BCAR3: variants seen among roughly 807,000 people sequenced by gnomAD.
BCAR3 encodes the protein BCAR3 adaptor protein, NSP family member, also known as breast cancer anti-estrogen resistance protein 3.
In BCAR3, 37 loss-of-function variants were observed where a neutral mutation model predicts 80.1. That is an observed-to-expected ratio of 0.46 (90% confidence interval 0.36 to 0.61). The LOEUF is 0.61. BCAR3 is among the 20% of genes least tolerant of loss of function. BCAR3 has a pLI of 0.00. For missense variants in BCAR3, 978 were observed against 1,068.2 expected, an observed-to-expected ratio of 0.92 and a Z score of 1.18; for synonymous variants, 389 against 418.9, an observed-to-expected ratio of 0.93 and a Z score of 0.87.
In BCAR3 at chr1:93,769,402, TG is replaced by T. The variant is rs1652275660; in HGVS notation, c.-62-63261del. Among the ~76,000 whole-genome samples, 3 of 138,836 alleles carry T rather than the reference TG, an allele frequency of 2.2e-5. No homozygotes were observed. In the South Asian group the frequency reaches 6.6e-4, roughly 30 times the overall value. The allele number at this position is 138,836 out of a possible 152,430, so 91.1% of individuals were successfully genotyped here. On this transcript the variant is annotated intron_variant, in intron 2 of 13. Coordinates refer to the BCAR3 transcript ENST00000370244. Reference sequence around the variant, plus strand: ...GTGTGTGTGTGTGTGTGTGTGTGTGTGTGTGTCAAGGAGCGGGGTGGAGAAG... The same window carrying T: ...GTGTGTGTGTGTGTGTGTGTGTGTGTTGTGTCAAGGAGCGGGGTGGAGAAG...
At chr1:93,734,620 A>G (rs540002379) in intron 2 of BCAR3, among the ~76,000 whole-genome samples, 2 of 152,274 alleles carry the variant, frequency 1.3e-5, no homozygotes, top group East Asian at 1.9e-4. Flanking sequence ...AGGGCAAACC[A>G]TCTAGTGCAG....
intron 2 of BCAR3, among the ~76,000 whole-genome samples, chr1:93,796,580 G>A (rs559315454): frequency 4.6e-5 from 7 of 151,692 alleles, no homozygotes; most frequent in South Asian, 2.1e-4. Flanking sequence ...AGATGAACCC[G>A]GTACCTCAGA....
chr1:93,704,588 CA>C (rs1274461674), intron 3 of BCAR3, among the ~76,000 whole-genome samples: 15 of 152,160 alleles, frequency 9.9e-5, no homozygotes, highest in Admixed American at 9.8e-4. Flanking sequence ...TCTCCAGAGT[CA>C]GGGGTGCATT....
rs556150991 is a variant in BCAR3 at position 93,830,742 on chromosome 1, G to A, written c.-63+14825C>T. On this transcript the variant is annotated intron_variant, in intron 2 of 13. Coordinates refer to the BCAR3 transcript ENST00000370244. ...TGGTGGTCTCTTCACACGGACGTGCGTCACATTTGGTGCCAAAACCTGGGA... is the reference window on the plus strand; with the variant it reads ...TGGTGGTCTCTTCACACGGACGTGCATCACATTTGGTGCCAAAACCTGGGA... Among the ~76,000 whole-genome samples, 67 of 152,166 alleles carry A rather than the reference G, an allele frequency of 4.4e-4. 1 individual carries two copies. The highest frequency in any genetic ancestry group is 1.4e-3 in the Admixed American group (21 of 15,310).
intron 2 of BCAR3, among the ~76,000 whole-genome samples, chr1:93,661,907 C>T (rs1413449790): frequency 2.0e-5 from 3 of 152,118 alleles, no homozygotes; most frequent in Non-Finnish European, 4.4e-5. Flanking sequence ...TAAAACATAC[C>T]CATTGATCTT....
chr1:93,846,896 G>C, intron 1 of BCAR3: 1 of 463,214 alleles, frequency 2.2e-6, no homozygotes, highest in South Asian at 1.6e-5. Context: ...TGGGTCTGTG[G>C]GGAGCGAAAT....
chr1:93,648,359 TA>T (rs2101916566), intron 2 of BCAR3, among the ~76,000 whole-genome samples: 1 of 152,200 alleles, frequency 6.6e-6, no homozygotes, highest in East Asian at 1.9e-4. Flanking sequence ...TGGTAAATGG[TA>T]AAAGTACCAA....
chr1:93,676,096 T>C (rs1405435972), intron 1 of BCAR3, among the ~76,000 whole-genome samples: 5 of 152,038 alleles, frequency 3.3e-5, no homozygotes, highest in African/African-American at 1.2e-4. Flanking sequence ...CTTAGTCTGT[T>C]CTCCAACCCA....
intron 4 of BCAR3, among the ~76,000 whole-genome samples, chr1:93,591,761 G>T (rs1232664838): frequency 1.3e-5 from 2 of 152,172 alleles, no homozygotes; most frequent in Non-Finnish European, 1.5e-5. Flanking sequence ...CCACCTCTGG[G>T]TCACAGGATC....
chr1:93,810,584 C>A (rs1412052999), intron 2 of BCAR3, among the ~76,000 whole-genome samples: 5 of 152,192 alleles, frequency 3.3e-5, no homozygotes, highest in African/African-American at 4.8e-5. Flanking sequence ...CTTCTCCATG[C>A]ATGCCAAGGC....
chr1:93,810,238 C>A (rs1407544849), intron 2 of BCAR3, among the ~76,000 whole-genome samples: 3 of 150,266 alleles, frequency 2.0e-5, no homozygotes, highest in African/African-American at 7.4e-5. Context: ...ATCTCCAGGT[C>A]TTTGGTTAAC....
chr1:93,672,544 T>C (rs1352863916), intron 2 of BCAR3, among the ~76,000 whole-genome samples: 2 of 152,220 alleles, frequency 1.3e-5, no homozygotes, highest in East Asian at 3.8e-4. Flanking sequence ...TGCTCATCTT[T>C]AGCAGGCCAG....
chr1:93,818,867 A>G (rs1436149261), intron 2 of BCAR3, among the ~76,000 whole-genome samples: 3 of 152,210 alleles, frequency 2.0e-5, no homozygotes, highest in Non-Finnish European at 4.4e-5. Flanking sequence ...TGGGTCAGTA[A>G]TGATTAAATG....
chr1:93,608,846 G>A (rs777231949), intron 3 of BCAR3, among the ~76,000 whole-genome samples: 1 of 152,240 alleles, frequency 6.6e-6, no homozygotes, highest in Non-Finnish European at 1.5e-5. Context: ...ACTAGCAGCT[G>A]CCACGAGGAG....
intron 2 of BCAR3, among the ~76,000 whole-genome samples, chr1:93,750,922 C>G (rs11164977): frequency 6.6e-6 from 1 of 152,070 alleles, no homozygotes; most frequent in Non-Finnish European, 1.5e-5. Flanking sequence ...GAATTTCTGA[C>G]CCGCAGAATC....
chr1:93,650,965 T>A lies in BCAR3; in HGVS notation c.318-8622A>T, dbSNP rs114741509. On this transcript the variant is annotated intron_variant, in intron 2 of 11. Coordinates refer to ENST00000260502, the MANE Select transcript of BCAR3 (RefSeq NM_003567.4). ...ATTAAAAACCATGAATGAAAGGAGG[T>A]AGGAGCCATTTGTCAGAGCACATCT... is the stretch of plus-strand genomic sequence containing the variant. 3.8e-3 allele frequency among the ~76,000 whole-genome samples: 582 copies of A among 151,960 alleles called. 2 individuals carry two copies. Among genetic ancestry groups the A allele is most frequent in the African/African-American group, 0.013 (556 of 41,428 alleles).
intron 2 of BCAR3, among the ~76,000 whole-genome samples, chr1:93,783,832 G>A (rs1247045462): frequency 6.6e-6 from 1 of 152,208 alleles, no homozygotes; most frequent in Non-Finnish European, 1.5e-5. Context: ...ATCAAGGACA[G>A]TGTAGTCAGT....
chr1:93,731,264 G>A (rs1224500375), intron 2 of BCAR3, among the ~76,000 whole-genome samples: 1 of 152,090 alleles, frequency 6.6e-6, no homozygotes, highest in African/African-American at 2.4e-5. Flanking sequence ...CCAAATAAAG[G>A]GTGGACTTTA....
chr1:93,842,111 T>C (rs940518766), intron 2 of BCAR3, among the ~76,000 whole-genome samples: 4 of 151,982 alleles, frequency 2.6e-5, no homozygotes, highest in Non-Finnish European at 5.9e-5. Context: ...TAAAGACCTT[T>C]TTATTTTACA....
Sources: gnomAD v4.1 joint callset for allele counts (sites outside exome capture counted in the v4.1 genomes callset) on GRCh38, gnomAD v4.1.1 for gene constraint, MANE v1.5 for transcripts, NCBI Gene and HGNC (gene_info 2026-07-23, HGNC 2026-07-21) for gene names.